The following KIAA0586 variants were observed in gnomAD, a reference collection of about 807,000 sequenced individuals.
KIAA0586 encodes the protein protein TALPID3.
KIAA0586 carries 144 observed loss-of-function variants against 169.8 expected under a neutral mutation model. The ratio of observed to expected loss-of-function variants is 0.85; its 90% CI spans 0.74 to 0.97. KIAA0586 has a LOEUF of 0.97. Ranked by LOEUF, KIAA0586 falls within the 50% of genes least tolerant of loss-of-function variation. KIAA0586 has a pLI of 0.00. For missense variants in KIAA0586, 1,854 were observed against 1,823.0 expected, an observed-to-expected ratio of 1.02 and a Z score of -0.31; for synonymous variants, 625 against 612.4, an observed-to-expected ratio of 1.02 and a Z score of -0.30.
In KIAA0586 at chr14:58,550,677, A is replaced by G. The variant is rs1595571852; in HGVS notation, c.*2745A>G. 3.3e-5 allele frequency: 5 copies of G among 151,724 alleles called. No homozygotes were observed. The South Asian group carries it at 1.0e-3, about 32-fold the overall frequency. The allele number at this position is 151,724 out of a possible 1,614,324, so 9.4% of individuals were successfully genotyped here. A position where few individuals can be genotyped will look rare whatever the true frequency, so the allele number is the denominator to read the frequency against. Reference sequence around the variant, plus strand: ...GGCAAAACCCATCTCTACCAAAAATACAAAAAATTAGCTGGTCATGGTTGC... The same window carrying G: ...GGCAAAACCCATCTCTACCAAAAATGCAAAAAATTAGCTGGTCATGGTTGC... On this transcript the variant is annotated 3_prime_UTR_variant, in exon 31 of 31. Coordinates refer to ENST00000652326, the MANE Select transcript of KIAA0586 (RefSeq NM_001329943.3).
At chr14:58,448,961 T>A (rs2039133182) in intron 7 of KIAA0586, among the ~76,000 whole-genome samples, 1 of 152,234 alleles carries the variant, frequency 6.6e-6, no homozygotes, top group Admixed American at 6.5e-5. Flanking sequence ...ATTTTCAGAA[T>A]TAGTAATGCA....
intron 4 of KIAA0586, among the ~76,000 whole-genome samples, chr14:58,439,542 G>A (rs1218175108): frequency 2.6e-5 from 4 of 152,184 alleles, no homozygotes; most frequent in African/African-American, 9.6e-5. Flanking sequence ...TGTGACCTCT[G>A]TGGACTGCAA....
intron 4 of KIAA0586, among the ~76,000 whole-genome samples, chr14:58,435,784 T>C (rs190754324): frequency 2.2e-4 from 33 of 152,308 alleles, no homozygotes; most frequent in Non-Finnish European, 4.3e-4. Context: ...CTTGGCTCAC[T>C]GCAACCTCCG....
chr14:58,457,653 A>G lies in KIAA0586; in HGVS notation c.1363-106A>G, dbSNP rs1460225508. 4.5e-6 allele frequency: 3 copies of G among 672,606 alleles called. No homozygotes were observed. The African/African-American group carries it at 5.5e-5, about 12-fold the overall frequency. 41.7% of individuals were successfully genotyped at this position (672,606 alleles called of 1,614,324 possible). A position where few individuals can be genotyped will look rare whatever the true frequency, so the allele number is the denominator to read the frequency against. ...CTTCAGTTTGACAAATTGAGTCCTT[A>G]GAATATATTGGTATAATGTATGGCC... is the stretch of plus-strand genomic sequence containing the variant. On this transcript the variant is annotated intron_variant, in intron 10 of 30. Coordinates refer to ENST00000652326, the MANE Select transcript of KIAA0586 (RefSeq NM_001329943.3).
chr14:58,467,319 A>T (rs1211366468), intron 15 of KIAA0586, among the ~76,000 whole-genome samples: 1 of 152,230 alleles, frequency 6.6e-6, no homozygotes, highest in African/African-American at 2.4e-5. Flanking sequence ...AAGGCTACAC[A>T]GCTAGAATGG....
intron 2 of KIAA0586, among the ~76,000 whole-genome samples, 157 bp downstream of exon 2, chr14:58,429,590 T>C (rs2037189330): frequency 2.0e-5 from 3 of 152,176 alleles, no homozygotes; most frequent in Admixed American, 1.3e-4. Context: ...TGACTTTGAA[T>C]GGTGTTTGAG....
chr14:58,467,718 T>TC lies in KIAA0586; in HGVS notation c.2255-16dup. On this transcript the variant is annotated splice_polypyrimidine_tract_variant and intron_variant, in intron 15 of 30. Coordinates refer to ENST00000652326, the MANE Select transcript of KIAA0586 (RefSeq NM_001329943.3). ...TTTCTGAACTAGTTGACTTATTTTT[T>TC]CTCCTAAACTTCTTAGGACAAACCC... The TC allele has an allele frequency of 2.5e-6, 4 of 1,573,458 alleles. No individual in the cohort carries two copies. In the South Asian group the frequency reaches 4.7e-5, roughly 19 times the overall value.
intron 20 of KIAA0586, among the ~76,000 whole-genome samples, chr14:58,480,694 T>C (rs1222684828): frequency 6.6e-6 from 1 of 152,186 alleles, no homozygotes; most frequent in Non-Finnish European, 1.5e-5. Context: ...TTTGCTCTTC[T>C]TCATTCCCCA....
chr14:58,431,271 T>G (rs921223480), intron 3 of KIAA0586, among the ~76,000 whole-genome samples: 1 of 150,854 alleles, frequency 6.6e-6, no homozygotes, highest in Non-Finnish European at 1.5e-5. Flanking sequence ...TGTTTATAAA[T>G]TTTTTTTTTG....
chr14:58,532,389 C>T (rs1268367179), intron 29 of KIAA0586, among the ~76,000 whole-genome samples: 2 of 152,154 alleles, frequency 1.3e-5, no homozygotes, highest in East Asian at 1.9e-4. Flanking sequence ...TGTTCAGCCT[C>T]AGCTTTTAGG....
intron 27 of KIAA0586, 111 bp downstream of exon 27, chr14:58,499,071 G>T: frequency 1.1e-6 from 1 of 916,254 alleles, no homozygotes; most frequent in East Asian, 2.8e-5. Flanking sequence ...TTATTAAAAG[G>T]GATTTTAATA....
Position 58,465,964 on chromosome 14 carries a change from G to A in KIAA0586, c.2189G>A (p.Ser730Asn). Residue 730 changes from serine (S) to asparagine (N), a missense_variant, in exon 15 of 31, where the codon AGT becomes AAT. By Grantham distance (46) the Ser-to-Asn change is conservative. Coordinates refer to ENST00000652326, the MANE Select transcript of KIAA0586 (RefSeq NM_001329943.3). ...GATCAGCAATATTTGTTCAGCCCAA[G>A]TAGAGAAATGCCTACTTTTTCAGGT... Reference protein sequence around the residue: ...HGDQQYLFSPSREMPTFSGTL... With the variant: ...HGDQQYLFSPNREMPTFSGTL... 6.2e-7 allele frequency: 1 copy of A among 1,613,648 alleles called. No homozygotes were observed. Among genetic ancestry groups the A allele is most frequent in the Non-Finnish European group, 8.5e-7 (1 of 1,179,656 alleles).
At chr14:58,510,831 C>A (rs1464892885) in intron 28 of KIAA0586, among the ~76,000 whole-genome samples, 1 of 150,196 alleles carries the variant, frequency 6.7e-6, no homozygotes, top group Non-Finnish European at 1.5e-5. Flanking sequence ...ATGGATGGTT[C>A]TTACAAAAGT....
rs140476366 is a variant in KIAA0586 at position 58,445,126 on chromosome 14, T to TACACAC, written c.807+969_807+974dup. 6.9e-5 allele frequency among the ~76,000 whole-genome samples: 10 copies of TACACAC among 144,240 alleles called. 1 individual carries two copies. Among genetic ancestry groups the TACACAC allele is most frequent in the South Asian group, 6.6e-4 (3 of 4,552 alleles). The allele number at this position is 144,240 out of a possible 152,430, so 94.6% of individuals were successfully genotyped here. ...AGAACTATATACACACACACATACA[T>TACACAC]ACACACACACACACACACACACATA... On this transcript the variant is annotated intron_variant, in intron 6 of 30. Transcript: ENST00000652326.
At chr14:58,559,158 A>T in the KIAA0586 span, among the ~76,000 whole-genome samples, 1 of 152,190 alleles carries the variant, frequency 6.6e-6, no homozygotes, top group African/African-American at 2.4e-5. Context: ...GTTGCTTTCC[A>T]CTGGATTCCT....
At chr14:58,512,998 A>T (rs1410730972) in intron 29 of KIAA0586, among the ~76,000 whole-genome samples, 1 of 152,094 alleles carries the variant, frequency 6.6e-6, no homozygotes, top group Admixed American at 6.6e-5. Context: ...AAAGCACATT[A>T]TTTAGTGCGT....
intron 6 of KIAA0586, among the ~76,000 whole-genome samples, chr14:58,446,640 T>C (rs2038929733): frequency 6.6e-6 from 1 of 152,208 alleles, no homozygotes; most frequent in Admixed American, 6.5e-5. Context: ...AAGTTTATTA[T>C]ACTTAATATA....
chr14:58,483,512 G>A (rs773684130), intron 21 of KIAA0586, among the ~76,000 whole-genome samples: 3 of 151,998 alleles, frequency 2.0e-5, no homozygotes, highest in Non-Finnish European at 4.4e-5. Flanking sequence ...TAATAATATA[G>A]AATATAGAGA....
chr14:58,555,220 C>T (rs2047235818), downstream of KIAA0586, among the ~76,000 whole-genome samples: 1 of 151,508 alleles, frequency 6.6e-6, no homozygotes, highest in African/African-American at 2.4e-5. Context: ...CCTGCCTCAG[C>T]CTCCCAAGTA....
Sources: gnomAD v4.1 joint callset for allele counts (sites outside exome capture counted in the v4.1 genomes callset) on GRCh38, gnomAD v4.1.1 for gene constraint, MANE v1.5 for transcripts, NCBI Gene and HGNC (gene_info 2026-07-23, HGNC 2026-07-21) for gene names.